The following ROBO1 variants were observed in gnomAD, a reference collection of about 807,000 sequenced individuals.
The protein encoded by ROBO1 is roundabout homolog 1.
ROBO1 carries 149 observed loss-of-function variants against 195.9 expected under a neutral mutation model. The observed-to-expected ratio is 0.76, with a 90% CI of 0.67 to 0.87. ROBO1 has a LOEUF of 0.87. Ranked by LOEUF, ROBO1 falls within the 40% of genes least tolerant of loss-of-function variation. ROBO1 has a pLI of 0.00. For synonymous variants in ROBO1, 816 were observed against 733.2 expected, an observed-to-expected ratio of 1.11 and a Z score of -1.82; for missense variants, 1,933 against 2,068.3, an observed-to-expected ratio of 0.93 and a Z score of 1.27.
At chr3:79,053,927 A>T (rs999939305) in intron 3 of ROBO1, among the ~76,000 whole-genome samples, 1 of 152,108 alleles carries the variant, frequency 6.6e-6, no homozygotes, top group African/African-American at 2.4e-5. Context: ...TTACCTTTTT[A>T]AAAGAATTTA....
chr3:79,401,990 A>T (rs556975567), intron 2 of ROBO1, among the ~76,000 whole-genome samples: 241 of 152,014 alleles, frequency 1.6e-3, no homozygotes, highest in African/African-American at 5.5e-3. Context: ...AACATTGGTA[A>T]CTGCTTACTA....
At chr3:79,203,798 C>T (rs760743070) in intron 2 of ROBO1, among the ~76,000 whole-genome samples, 4 of 152,088 alleles carry the variant, frequency 2.6e-5, no homozygotes, top group African/African-American at 4.8e-5. Flanking sequence ...AATTACACTC[C>T]GTAGTTACCG....
chr3:79,198,911 G>A (rs1336934307), intron 2 of ROBO1, among the ~76,000 whole-genome samples: 1 of 152,056 alleles, frequency 6.6e-6, no homozygotes, highest in African/African-American at 2.4e-5. Context: ...TTGCTTATCA[G>A]CTGAAGGAGA....
intron 4 of ROBO1, among the ~76,000 whole-genome samples, chr3:78,879,578 G>C (rs1483067185): frequency 9.2e-5 from 14 of 151,672 alleles, no homozygotes; most frequent in Admixed American, 9.2e-4. Context: ...CTAATTAGGG[G>C]ATTAGAACCG....
chr3:79,118,686 G>C (rs1287835302), intron 3 of ROBO1, among the ~76,000 whole-genome samples: 1 of 151,938 alleles, frequency 6.6e-6, no homozygotes, highest in East Asian at 1.9e-4. Flanking sequence ...TGGCCAACAT[G>C]GTGAAACTCC....
At chr3:78,955,845 C>T (rs909965979) in intron 3 of ROBO1, among the ~76,000 whole-genome samples, 1 of 152,068 alleles carries the variant, frequency 6.6e-6, no homozygotes, top group African/African-American at 2.4e-5. Flanking sequence ...TATAGGAATG[C>T]TGTCAACTTC....
chr3:79,734,714 A>G (rs1455769639), intron 1 of ROBO1, among the ~76,000 whole-genome samples: 1 of 151,472 alleles, frequency 6.6e-6, no homozygotes, highest in Non-Finnish European at 1.5e-5. Context: ...ATTTTGTGGA[A>G]ATACAGCCAC....
chr3:79,464,735 T>A (rs572552909), intron 2 of ROBO1, among the ~76,000 whole-genome samples: 2 of 152,360 alleles, frequency 1.3e-5, no homozygotes, highest in Non-Finnish European at 2.9e-5. Context: ...AATTTTATAA[T>A]TTTGATGAAC....
intron 2 of ROBO1, among the ~76,000 whole-genome samples, chr3:79,237,965 G>A (rs1168735325): frequency 1.3e-5 from 2 of 152,122 alleles, no homozygotes; most frequent in African/African-American, 4.8e-5. Context: ...AGAAAGCAGT[G>A]CGGTCTTCTG....
intron 4 of ROBO1, among the ~76,000 whole-genome samples, chr3:78,844,514 C>T (rs755974315): frequency 2.6e-5 from 4 of 151,936 alleles, no homozygotes; most frequent in Non-Finnish European, 4.4e-5. Context: ...CAAGATGGTT[C>T]GCTGGTAAAT....
At chr3:79,334,730 AC>A (rs2034595573) in intron 2 of ROBO1, among the ~76,000 whole-genome samples, 1 of 148,596 alleles carries the variant, frequency 6.7e-6, no homozygotes, top group Admixed American at 6.7e-5. Flanking sequence ...TATATTTTAT[AC>A]CACATTTTTT....
At chr3:78,708,510 A>G (rs968758668) in intron 8 of ROBO1, among the ~76,000 whole-genome samples, 1 of 152,170 alleles carries the variant, frequency 6.6e-6, no homozygotes, top group Non-Finnish European at 1.5e-5. Flanking sequence ...AATAAAAATA[A>G]TAATATAATT....
At chr3:78,998,189 T>G (rs1349024) in intron 3 of ROBO1, among the ~76,000 whole-genome samples, 150,825 of 152,310 alleles carry the variant, frequency 0.99, 74,687 homozygotes, top group East Asian at 1. Flanking sequence ...AAATTGAAGA[T>G]AATGCAGCTA....
rs563782672 is a variant in ROBO1 at position 79,212,742 on chromosome 3, C to A, written c.89-87203G>T. On this transcript the variant is annotated intron_variant, in intron 2 of 30. Coordinates refer to ENST00000464233, the MANE Select transcript of ROBO1 (RefSeq NM_002941.4). ...GGCTGAGGCATGAGAATTGCTTGAA[C>A]CCCAGAGGCAGAGGCTGCAATGACC... 3.3e-5 allele frequency among the ~76,000 whole-genome samples: 5 copies of A among 151,734 alleles called. No homozygotes were observed. The East Asian group carries it at 7.9e-4, about 24-fold the overall frequency.
intron 3 of ROBO1, among the ~76,000 whole-genome samples, chr3:79,083,997 T>G (rs2079322059): frequency 6.6e-6 from 1 of 152,202 alleles, no homozygotes; most frequent in Non-Finnish European, 1.5e-5. Context: ...AGCTTGAGAT[T>G]TAAGCCACGA....
chr3:79,269,720 A>G (rs2030345370), intron 2 of ROBO1, among the ~76,000 whole-genome samples: 1 of 151,736 alleles, frequency 6.6e-6, no homozygotes, highest in Non-Finnish European at 1.5e-5. Context: ...ATTTTAACAA[A>G]ATTTGAGACT....
At chr3:79,242,597 T>A (rs2082540502) in intron 2 of ROBO1, among the ~76,000 whole-genome samples, 1 of 152,204 alleles carries the variant, frequency 6.6e-6, no homozygotes, top group African/African-American at 2.4e-5. Context: ...GAGCAATGGA[T>A]GCTTTAAACT....
intron 9 of ROBO1, among the ~76,000 whole-genome samples, chr3:78,687,891 A>G (rs2081086491): frequency 1.3e-5 from 2 of 152,154 alleles, no homozygotes; most frequent in East Asian, 1.9e-4. Context: ...TGAGCCTCCC[A>G]AAGTACTGAG....
intron 3 of ROBO1, among the ~76,000 whole-genome samples, chr3:79,048,299 T>C (rs932362940): frequency 2.6e-5 from 4 of 152,148 alleles, no homozygotes; most frequent in African/African-American, 9.6e-5. Flanking sequence ...TTTTTCCTTA[T>C]GCTTTAGATT....
Sources: allele counts gnomAD v4.1 joint callset (sites outside exome capture counted in the v4.1 genomes callset), GRCh38; gene constraint gnomAD v4.1.1; transcripts MANE v1.5; gene names NCBI Gene and HGNC (gene_info 2026-07-23, HGNC 2026-07-21).